The following TTLL7 variants were observed in gnomAD, a reference collection of about 807,000 sequenced individuals.
TTLL7 encodes tubulin tyrosine ligase like 7, also known as tubulin polyglutamylase TTLL7.
Under a neutral mutation model 120.2 loss-of-function variants are expected in TTLL7, and 53 were observed. The ratio of observed to expected loss-of-function variants is 0.44; its 90% CI spans 0.35 to 0.55. The LOEUF (loss-of-function observed/expected upper bound fraction) is 0.55, where lower values mean the gene tolerates loss of function less well. Among genes scored for constraint, TTLL7 ranks in the 20% least tolerant of loss-of-function variants. The pLI, the probability that TTLL7 is intolerant of heterozygous loss-of-function variation, is 0.00. For synonymous variants in TTLL7, 353 were observed against 351.7 expected (o/e 1.00, Z -0.04); for missense variants, 803 against 1,054.7 (o/e 0.76, Z 3.31).
intron 1 of TTLL7, among the ~76,000 whole-genome samples, chr1:83,984,586 T>C (rs1268006233): frequency 6.6e-6 from 1 of 152,234 alleles, no homozygotes; most frequent in Non-Finnish European, 1.5e-5. Flanking sequence ...TGGAATGCTA[T>C]GCAGCCATAA....
chr1:83,991,944 C>T (rs1295972170), intron 1 of TTLL7, among the ~76,000 whole-genome samples: 2 of 152,054 alleles, frequency 1.3e-5, no homozygotes, highest in Non-Finnish European at 2.9e-5. Context: ...TTCACAGATA[C>T]TCTCTTAAGC....
intron 1 of TTLL7, among the ~76,000 whole-genome samples, chr1:83,955,748 T>C (rs1649452938): frequency 6.6e-6 from 1 of 152,212 alleles, no homozygotes; most frequent in African/African-American, 2.4e-5. Flanking sequence ...CCATGGCTCA[T>C]GCCTATAAAT....
At chr1:83,976,951 C>T (rs1392748270) in intron 1 of TTLL7, among the ~76,000 whole-genome samples, 1 of 151,944 alleles carries the variant, frequency 6.6e-6, no homozygotes, top group Non-Finnish European at 1.5e-5. Flanking sequence ...TCCATCAAAC[C>T]CTTTTTATTA....
intron 7 of TTLL7, among the ~76,000 whole-genome samples, chr1:83,941,825 C>A (rs1647998935): frequency 6.6e-6 from 1 of 152,068 alleles, no homozygotes; most frequent in Non-Finnish European, 1.5e-5. Context: ...CAAAAAAAGT[C>A]TTAATGAAAA....
intron 10 of TTLL7, among the ~76,000 whole-genome samples, chr1:83,925,868 T>C (rs1480942204): frequency 2.0e-5 from 3 of 152,134 alleles, no homozygotes; most frequent in African/African-American, 7.2e-5. Context: ...ACACCTGTAA[T>C]CTCAGCACTT....
intron 7 of TTLL7, 132 bp downstream of exon 7, chr1:83,942,331 C>A: frequency 1.5e-6 from 1 of 660,324 alleles, no homozygotes; most frequent in Non-Finnish European, 2.5e-6. Flanking sequence ...TATTTATGTA[C>A]ACAATTCTTC....
Position 83,937,846 on chromosome 1 carries a change from T to C in TTLL7, c.888+6A>G, listed in dbSNP as rs775077594. 3.1e-6 allele frequency: 5 copies of C among 1,613,820 alleles called. No homozygotes were observed. In the South Asian group the frequency reaches 5.5e-5, roughly 18 times the overall value. On this transcript the variant is annotated splice_donor_region_variant and intron_variant, in intron 8 of 20. Transcript: ENST00000260505. ...CTGTTATAATTGTGGAATGGCATAA[T>C]CTTACTGAAATATCACTCCAAAACT...
chr1:83,971,171 G>A (rs1234995336), intron 1 of TTLL7, among the ~76,000 whole-genome samples: 1 of 152,062 alleles, frequency 6.6e-6, no homozygotes, highest in East Asian at 1.9e-4. Flanking sequence ...GACATTGAAG[G>A]CATCTACTCA....
At chr1:83,882,354 T>C (rs572790081) in intron 20 of TTLL7, among the ~76,000 whole-genome samples, 1 of 151,766 alleles carries the variant, frequency 6.6e-6, no homozygotes, top group Non-Finnish European at 1.5e-5. Flanking sequence ...ATATTATTCA[T>C]CTCTATTTCT....
At chr1:83,959,705 C>T (rs890142840) in intron 1 of TTLL7, among the ~76,000 whole-genome samples, 2 of 152,110 alleles carry the variant, frequency 1.3e-5, no homozygotes, top group South Asian at 4.2e-4. Context: ...ATTAATAATA[C>T]AACCTCTATG....
intron 19 of TTLL7, among the ~76,000 whole-genome samples, chr1:83,886,695 A>G (rs909160612): frequency 6.6e-6 from 1 of 151,964 alleles, no homozygotes; most frequent in African/African-American, 2.4e-5. Context: ...GGGTTTACAT[A>G]TTGGATTTTG....
chr1:83,969,064 T>C (rs1242131733), intron 1 of TTLL7, among the ~76,000 whole-genome samples: 5 of 152,054 alleles, frequency 3.3e-5, no homozygotes, highest in Non-Finnish European at 5.9e-5. Context: ...TTTACAGTTA[T>C]TTTCTCAAAC....
At chr1:83,985,363 G>A (rs964189899) in intron 1 of TTLL7, among the ~76,000 whole-genome samples, 1 of 152,194 alleles carries the variant, frequency 6.6e-6, no homozygotes, top group Non-Finnish European at 1.5e-5. Context: ...GGCTCAGCAA[G>A]CAAAGCTTAT....
chr1:83,938,471 C>A (rs2147392), intron 7 of TTLL7, among the ~76,000 whole-genome samples: 74,888 of 151,908 alleles, frequency 0.49, 19,189 homozygotes, highest in Non-Finnish European at 0.57. Context: ...TGAAAACTCA[C>A]GTAAGTAACA....
chr1:83,987,023 A>G (rs1364694197), intron 1 of TTLL7, among the ~76,000 whole-genome samples: 1 of 152,178 alleles, frequency 6.6e-6, no homozygotes, highest in Non-Finnish European at 1.5e-5. Context: ...AAACCCTCAA[A>G]GTGAAGAACA....
chr1:83,980,751 C>A (rs1248918484), intron 1 of TTLL7: 1 of 152,054 alleles, frequency 6.6e-6, no homozygotes, highest in Non-Finnish European at 1.5e-5. Context: ...TGCTAACATA[C>A]AATTCTTTAA....
At chr1:83,935,283 G>A (rs564639741) in intron 8 of TTLL7, among the ~76,000 whole-genome samples, 5 of 152,204 alleles carry the variant, frequency 3.3e-5, no homozygotes, top group Non-Finnish European at 5.9e-5. Context: ...GGAACAGTAC[G>A]GGCTGAGAGA....
chr1:83,895,193 C>G (rs1029144550), intron 18 of TTLL7, among the ~76,000 whole-genome samples: 15 of 151,992 alleles, frequency 9.9e-5, no homozygotes, highest in African/African-American at 3.6e-4. Context: ...GACTGTTATG[C>G]ATATAAAGGG....
rs535486240 is a variant in TTLL7 at position 83,880,651 on chromosome 1, A to G, written c.2543+2312T>C. On this transcript the variant is annotated intron_variant, in intron 20 of 20. Transcript: ENST00000260505. Reference sequence around the variant, plus strand: ...TGGCTTAATTTCTTCTATCCTGAATAGTACTACAACTTACAAATATTAAAA... The same window carrying G: ...TGGCTTAATTTCTTCTATCCTGAATGGTACTACAACTTACAAATATTAAAA... Among the ~76,000 whole-genome samples, 27 of 152,174 alleles carry G rather than the reference A, an allele frequency of 1.8e-4. No homozygotes were observed. The South Asian group carries it at 5.6e-3, about 32-fold the overall frequency.
Sources: allele counts gnomAD v4.1 joint callset (sites outside exome capture counted in the v4.1 genomes callset), GRCh38; gene constraint gnomAD v4.1.1; transcripts MANE v1.5; gene names NCBI Gene and HGNC (gene_info 2026-07-23, HGNC 2026-07-21).